YAP1: variants seen among roughly 807,000 people sequenced by gnomAD.
YAP1 encodes the protein Yes1 associated transcriptional regulator.
Under a neutral mutation model 56.9 loss-of-function variants are expected in YAP1, and 5 were observed. The ratio of observed to expected loss-of-function variants is 0.09; its 90% confidence interval spans 0.05 to 0.18. YAP1 has a LOEUF of 0.18. YAP1 is among the 10% of genes least tolerant of loss of function. YAP1 has a pLI of 1.00. For missense variants in YAP1, 539 were observed against 651.8 expected, an observed-to-expected ratio of 0.83 and a Z score of 1.88; for synonymous variants, 265 against 248.1, an observed-to-expected ratio of 1.07 and a Z score of -0.64.
chr11:102,196,233 A>G (rs1257803836), intron 4 of YAP1, among the ~76,000 whole-genome samples: 3 of 152,090 alleles, frequency 2.0e-5, no homozygotes, highest in African/African-American at 4.8e-5. Context: ...ACGTTGTGGG[A>G]ACGTATGTCT....
intron 7 of YAP1, among the ~76,000 whole-genome samples, chr11:102,226,204 C>T (rs1323327163): frequency 1.3e-5 from 2 of 152,170 alleles, no homozygotes; most frequent in Admixed American, 1.3e-4. Flanking sequence ...TATATGGCTG[C>T]ATTGTATACC....
intron 4 of YAP1, 157 bp downstream of exon 4, chr11:102,186,288 C>G (rs1947941065): frequency 2.4e-6 from 2 of 826,780 alleles, no homozygotes; most frequent in African/African-American, 1.8e-5. Context: ...TTTTATCCTT[C>G]TCATTGTAAA....
At chr11:102,175,664 C>T (rs1399422414) in intron 3 of YAP1, among the ~76,000 whole-genome samples, 2 of 152,142 alleles carry the variant, frequency 1.3e-5, no homozygotes, top group African/African-American at 2.4e-5. Flanking sequence ...TACAGCTTAT[C>T]GCTCTTAGGC....
chr11:102,185,475 G>A (rs1341470406), intron 3 of YAP1, among the ~76,000 whole-genome samples: 1 of 152,012 alleles, frequency 6.6e-6, no homozygotes, highest in African/African-American at 2.4e-5. Flanking sequence ...TGTTTGGACT[G>A]TAGCTTTCTG....
intron 2 of YAP1, among the ~76,000 whole-genome samples, chr11:102,141,123 C>CTAG (rs1033130361): frequency 1.6e-4 from 24 of 152,158 alleles, no homozygotes; most frequent in Non-Finnish European, 4.4e-5. Flanking sequence ...GTTAATTCCT[C>CTAG]TAGAGAGTCT....
chr11:102,161,063 T>C (rs576464611), intron 2 of YAP1, among the ~76,000 whole-genome samples: 195 of 134,180 alleles, frequency 1.5e-3, no homozygotes, highest in Non-Finnish European at 2.7e-3. Context: ...CTTTTTTTTT[T>C]TTTTTTTTTT....
At chr11:102,157,037 G>T (rs1945994213) in intron 2 of YAP1, among the ~76,000 whole-genome samples, 1 of 152,072 alleles carries the variant, frequency 6.6e-6, no homozygotes, top group African/African-American at 2.4e-5. Context: ...TATAATAAAT[G>T]GTCATGTTTG....
intron 4 of YAP1, among the ~76,000 whole-genome samples, chr11:102,193,449 T>C (rs1396875000): frequency 6.6e-6 from 1 of 152,222 alleles, no homozygotes; most frequent in Non-Finnish European, 1.5e-5. Context: ...AATGTTTTAT[T>C]TTTTATCTAA....
At chr11:102,202,136 C>T (rs1948893604) in intron 4 of YAP1, among the ~76,000 whole-genome samples, 3 of 151,918 alleles carry the variant, frequency 2.0e-5, no homozygotes, top group Non-Finnish European at 2.9e-5. Context: ...TCCCTTCGCT[C>T]CAGGTAGCAG....
chr11:102,182,194 C>CA (rs1259314818), intron 3 of YAP1, among the ~76,000 whole-genome samples: 1 of 152,128 alleles, frequency 6.6e-6, no homozygotes, highest in Non-Finnish European at 1.5e-5. Flanking sequence ...CCTGCTGAAT[C>CA]AAAAAGTATA....
chr11:102,112,366 T>C (rs987079401), intron 1 of YAP1: 5 of 961,226 alleles, frequency 5.2e-6, no homozygotes, highest in Non-Finnish European at 4.9e-6. Context: ...TTCCAATAGG[T>C]CCCAGTGGAT....
intron 5 of YAP1, among the ~76,000 whole-genome samples, chr11:102,207,537 A>G (rs995231730): frequency 3.3e-5 from 5 of 152,100 alleles, no homozygotes; most frequent in Admixed American, 6.5e-5. Flanking sequence ...TAAAAAAAAA[A>G]AAAGCTCTAC....
At chr11:102,142,633 GT>G (rs1945087195) in intron 2 of YAP1, among the ~76,000 whole-genome samples, 1 of 152,194 alleles carries the variant, frequency 6.6e-6, no homozygotes, top group Admixed American at 6.5e-5. Context: ...GTTTTAGACT[GT>G]TTTGATTGTC....
chr11:102,161,682 T>C (rs1946300037), intron 2 of YAP1, among the ~76,000 whole-genome samples: 1 of 152,206 alleles, frequency 6.6e-6, no homozygotes, highest in African/African-American at 2.4e-5. Context: ...ATCTAGTTTT[T>C]CTTTCATTGA....
intron 2 of YAP1, among the ~76,000 whole-genome samples, chr11:102,138,855 G>T (rs7108698): frequency 0.5 from 75,727 of 151,938 alleles, 20,915 homozygotes; most frequent in South Asian, 0.67. Context: ...TACTTGCAGT[G>T]GCTTTAGGAT....
chr11:102,111,702 C>T (rs1205419068), intron 1 of YAP1, among the ~76,000 whole-genome samples: 1 of 152,204 alleles, frequency 6.6e-6, no homozygotes, highest in Non-Finnish European at 1.5e-5. Context: ...TCCTTTGCGG[C>T]CTCTCGGTCC....
intron 4 of YAP1, among the ~76,000 whole-genome samples, chr11:102,196,143 C>T (rs891500024): frequency 2.0e-5 from 3 of 152,150 alleles, no homozygotes; most frequent in Admixed American, 6.6e-5. Context: ...TTCCTCAAAA[C>T]ATTAACCATA....
chr11:102,189,284 A>G (rs1011235640), intron 4 of YAP1, among the ~76,000 whole-genome samples: 1 of 152,168 alleles, frequency 6.6e-6, no homozygotes, highest in African/African-American at 2.4e-5. Flanking sequence ...ACAGTCATGG[A>G]CATTTTCCAG....
At chr11:102,140,703 C>T (rs775649061) in intron 2 of YAP1, among the ~76,000 whole-genome samples, 5 of 151,990 alleles carry the variant, frequency 3.3e-5, no homozygotes, top group Non-Finnish European at 7.4e-5. Context: ...ATTAGCCGGG[C>T]GTGGTTGTGC....
Sources: allele counts gnomAD v4.1 joint callset (sites outside exome capture counted in the v4.1 genomes callset), GRCh38; gene constraint gnomAD v4.1.1; transcripts MANE v1.5; gene names NCBI Gene and HGNC (gene_info 2026-07-23, HGNC 2026-07-21).